GABRR3: variants seen among roughly 807,000 people sequenced by gnomAD.
GABRR3 encodes the protein gamma-aminobutyric acid type A receptor subunit rho3, also known as gamma-aminobutyric acid receptor subunit rho-3.
A neutral mutation model predicts 43.2 loss-of-function variants in GABRR3; 29 were observed. The ratio of observed to expected loss-of-function variants is 0.67; its 90% CI spans 0.50 to 0.92. GABRR3 has a LOEUF of 0.92. Ranked by LOEUF, GABRR3 falls within the 40% of genes least tolerant of loss-of-function variation. The pLI, the probability that GABRR3 is intolerant of heterozygous loss-of-function variation, is 0.00. For synonymous variants in GABRR3, 206 were observed against 195.9 expected (o/e 1.05, Z -0.43); for missense variants, 576 against 572.3 (o/e 1.01, Z -0.07).
At chr3:98,004,236 T>C (rs1243576282) in intron 7 of GABRR3, among the ~76,000 whole-genome samples, 3 of 152,228 alleles carry the variant, frequency 2.0e-5, no homozygotes, top group Non-Finnish European at 4.4e-5. Flanking sequence ...TGATGACAGC[T>C]ACTAACTAAT....
At chr3:97,985,792 G>T (rs1488704935), downstream of GABRR3, among the ~76,000 whole-genome samples, 1 of 151,892 alleles carries the variant, frequency 6.6e-6, no homozygotes, top group Non-Finnish European at 1.5e-5. Context: ...AAGAATAAGT[G>T]GAAGTTTAGC....
Position 98,021,273 on chromosome 3 carries a change from A to G in GABRR3, c.239-3551T>C, listed in dbSNP as rs553828063. 4.6e-5 allele frequency among the ~76,000 whole-genome samples: 7 copies of G among 152,260 alleles called. No homozygotes were observed. In the South Asian group the frequency reaches 1.4e-3, roughly 32 times the overall value. On this transcript the variant is annotated intron_variant, in intron 3 of 9. Coordinates refer to ENST00000621172, the Ensembl canonical transcript of GABRR3. ...GAGGATAGAGTAGAGAGTGAGCAGCATGTAAAGCCAAAACGCAGAATCAGA... is the reference window on the plus strand; with the variant it reads ...GAGGATAGAGTAGAGAGTGAGCAGCGTGTAAAGCCAAAACGCAGAATCAGA...
intron 8 of GABRR3, among the ~76,000 whole-genome samples, chr3:97,996,740 ACATAAT>A (rs1706564190): frequency 6.6e-6 from 1 of 152,204 alleles, no homozygotes; most frequent in African/African-American, 2.4e-5. Flanking sequence ...GAATGGAGAG[ACATAAT>A]CATATTTTTG....
chr3:98,029,186 C>T (rs1200793166), intron 2 of GABRR3, among the ~76,000 whole-genome samples: 1 of 152,122 alleles, frequency 6.6e-6, no homozygotes, highest in Non-Finnish European at 1.5e-5. Context: ...TAATTTTTGT[C>T]CTTTCCCACA....
intron 3 of GABRR3, 60 bp downstream of exon 3, chr3:98,025,507 T>C: frequency 8.8e-7 from 1 of 1,141,692 alleles, no homozygotes; most frequent in South Asian, 1.7e-5. Flanking sequence ...TTTTAAATTT[T>C]CACCTCCATT....
chr3:97,985,852 T>C (rs1706378589), downstream of GABRR3, among the ~76,000 whole-genome samples: 1 of 13,308 alleles, frequency 7.5e-5, no homozygotes, highest in Non-Finnish European at 1.1e-3. Flanking sequence ...ATTTTATATA[T>C]ATATATATTT....
intron 2 of GABRR3, among the ~76,000 whole-genome samples, chr3:98,028,574 G>A (rs1052262835): frequency 7.9e-5 from 12 of 152,056 alleles, no homozygotes; most frequent in South Asian, 4.2e-4. Flanking sequence ...CTTTTTACAC[G>A]CTGGGGCAAT....
intron 3 of GABRR3, among the ~76,000 whole-genome samples, chr3:98,021,709 G>A (rs927216782): frequency 2.6e-5 from 4 of 152,096 alleles, no homozygotes; most frequent in Non-Finnish European, 4.4e-5. Context: ...TAACCATTAC[G>A]ATGATTGTGT....
At chr3:98,006,324 T>C (rs1385953926) in intron 7 of GABRR3, among the ~76,000 whole-genome samples, 1 of 152,190 alleles carries the variant, frequency 6.6e-6, no homozygotes, top group Non-Finnish European at 1.5e-5. Context: ...TATGTGCTAC[T>C]TACATAATCA....
At chr3:97,999,017 G>C (rs763766987) in intron 8 of GABRR3, 4 of 152,096 alleles carry the variant, frequency 2.6e-5, no homozygotes, top group Non-Finnish European at 4.4e-5. Flanking sequence ...GCCATAGTTT[G>C]AGAATCACTG....
intron 8 of GABRR3, chr3:97,998,266 T>A (rs1252373597): frequency 1.3e-5 from 2 of 152,378 alleles, no homozygotes; most frequent in Non-Finnish European, 2.9e-5. Flanking sequence ...TTAGGGATTT[T>A]GATCTTTCAG....
intron 3 of GABRR3, among the ~76,000 whole-genome samples, chr3:98,024,934 T>A: frequency 6.6e-6 from 1 of 152,246 alleles, no homozygotes; most frequent in East Asian, 1.9e-4. Context: ...CTTCTTTACC[T>A]GCCATCGCAG....
intron 8 of GABRR3, chr3:98,000,814 AAG>A (rs1706628758): frequency 1.3e-5 from 2 of 152,144 alleles, no homozygotes; most frequent in Admixed American, 6.5e-5. Flanking sequence ...ACCAGCAAAA[AAG>A]GCAAGTGGGA....
intron 9 of GABRR3, among the ~76,000 whole-genome samples, chr3:97,988,367 C>T (rs894341269): frequency 9.9e-5 from 15 of 152,086 alleles, no homozygotes; most frequent in African/African-American, 2.2e-4. Context: ...CATGAGCTAC[C>T]GCACCCAGCC....
intron 2 of GABRR3, among the ~76,000 whole-genome samples, chr3:98,029,814 T>A (rs832047): frequency 0.48 from 72,377 of 151,826 alleles, 17,438 homozygotes; most frequent in East Asian, 0.54. Flanking sequence ...TAGTGCCCCA[T>A]GCTGTGAAGG....
At chr3:98,011,295 T>C (rs1706788439) in intron 5 of GABRR3, among the ~76,000 whole-genome samples, 2 of 152,222 alleles carry the variant, frequency 1.3e-5, no homozygotes, top group Non-Finnish European at 1.5e-5. Context: ...GGTGGTTTAA[T>C]ACAACAGAAA....
At chr3:98,033,184 AG>A (rs1707111921) in intron 2 of GABRR3, among the ~76,000 whole-genome samples, 2 of 152,272 alleles carry the variant, frequency 1.3e-5, no homozygotes, top group South Asian at 4.2e-4. Flanking sequence ...AGTGCCCTGG[AG>A]GGTGTTTCTT....
chr3:98,007,939 T>G (rs1220501218), intron 6 of GABRR3, 35 bp from the exon 7 acceptor site: 1 of 1,491,440 alleles, frequency 6.7e-7, no homozygotes, highest in African/African-American at 1.4e-5. Context: ...GTAAGTGTAA[T>G]AAGCTCTTGT....
chr3:98,017,332 C>A (rs887282514), intron 4 of GABRR3, among the ~76,000 whole-genome samples: 2 of 152,302 alleles, frequency 1.3e-5, no homozygotes, highest in African/African-American at 4.8e-5. Flanking sequence ...TCATATCGCA[C>A]ATATAGTATG....
Sources: allele counts gnomAD v4.1 joint callset (sites outside exome capture counted in the v4.1 genomes callset), GRCh38; gene constraint gnomAD v4.1.1; transcripts MANE v1.5; gene names NCBI Gene and HGNC (gene_info 2026-07-23, HGNC 2026-07-21).